Variants in NCAPG2 observed in about 807,000 individuals in gnomAD.
NCAPG2 encodes the protein non-SMC condensin II complex subunit G2.
NCAPG2 carries 53 observed loss-of-function variants against 141.1 expected under a neutral mutation model. The ratio of observed to expected loss-of-function variants is 0.38; its 90% CI spans 0.30 to 0.47. The LOEUF is 0.47. NCAPG2 is among the 20% of genes least tolerant of loss of function. The probability of loss-of-function intolerance (pLI) is 0.99; values close to 1 mark genes in which losing one functional copy is unlikely to be tolerated. For missense variants in NCAPG2, 1,087 were observed against 1,389.0 expected (o/e 0.78, Z 3.46); for synonymous variants, 499 against 490.7 (o/e 1.02, Z -0.22).
rs1835815521 is a variant in NCAPG2 at position 158,701,850 on chromosome 7, C to T, written c.50G>A (p.Gly17Glu). The part of the protein sequence containing the change: ...FVQAVSKELV[G>E]EFLQFVQLDK... Reference sequence around the variant, plus strand: ...AAGTTGAACAAATTGCAAAAACTCTCCAACCAGCTCCTTAGACACGGCTTG... The same window carrying T: ...AAGTTGAACAAATTGCAAAAACTCTTCAACCAGCTCCTTAGACACGGCTTG... The change falls in exon 2 of 28, where the codon GGA becomes GAA. Residue 17 changes from glycine (G) to glutamate (E), a missense_variant. Transcript: ENST00000356309. 1 of 1,613,602 alleles carries T rather than the reference C, an allele frequency of 6.2e-7. No homozygotes were observed. Among genetic ancestry groups the T allele is most frequent in the Non-Finnish European group, 8.5e-7 (1 of 1,179,930 alleles).
chr7:158,677,524 G>GCAAAAAAAAAAAAAAAAAAAAAAAA (rs1834141285), intron 11 of NCAPG2, among the ~76,000 whole-genome samples: 2 of 5,080 alleles, frequency 3.9e-4, no homozygotes, highest in African/African-American at 8.5e-4. Flanking sequence ...TAAAAATAAA[G>GCAAAAAAAAAAAAAAAAAAAAAAAA]CAAAAAAAAA....
chr7:158,640,052 C>CAAAAAAAAAAAAAAAAAAAAAAAACAA (rs58368997), intron 27 of NCAPG2: 1 of 98,324 alleles, frequency 1.0e-5, no homozygotes, highest in Admixed American at 1.1e-4. Context: ...GAATAAATGC[C>CAAAAAAAAAAAAAAAAAAAAAAAACAA]AAAAAAAAAA....
At chr7:158,692,817 G>A (rs1200128608) in intron 4 of NCAPG2, 25 bp downstream of exon 4, 1 of 1,276,580 alleles carries the variant, frequency 7.8e-7, no homozygotes, top group Non-Finnish European at 1.1e-6. Flanking sequence ...TTCTAAATAT[G>A]CCATTTATAA....
In NCAPG2 at chr7:158,664,024, G is replaced by C. The variant is rs952486098; in HGVS notation, c.1815+160C>G. ...CAAAATGAACTACAAAGGACATATAGCAATTCTTTCACAAATGTTATTTAT... is the reference window on the plus strand; with the variant it reads ...CAAAATGAACTACAAAGGACATATACCAATTCTTTCACAAATGTTATTTAT... On this transcript the variant is annotated intron_variant, in intron 15 of 27. Coordinates refer to ENST00000356309, the MANE Select transcript of NCAPG2 (RefSeq NM_017760.7). Among the ~76,000 whole-genome samples the C allele has an allele frequency of 5.3e-5, 8 of 152,196 alleles. No individual in the cohort carries two copies. The South Asian group carries it at 6.2e-4, about 12-fold the overall frequency.
At chr7:158,671,373 AAAT>A in intron 13 of NCAPG2, 138 bp downstream of exon 13, 1 of 1,120,696 alleles carries the variant, frequency 8.9e-7, no homozygotes, top group Non-Finnish European at 1.3e-6. Context: ...GAAAAACACA[AAAT>A]AACATTTTTG....
chr7:158,651,035 A>C, intron 23 of NCAPG2, 63 bp from the exon 24 acceptor site: 1 of 1,466,032 alleles, frequency 6.8e-7, no homozygotes, highest in South Asian at 1.4e-5. Flanking sequence ...AAAAACAAAA[A>C]AACACTTTAA....
Position 158,654,615 on chromosome 7 carries a change from C to G in NCAPG2, c.2726G>C (p.Ser909Thr). ...HQFQMQLLQRSLGIMQTVKGF... is the reference protein window; with the variant it reads ...HQFQMQLLQRTLGIMQTVKGF... ...TGTACCTGTTTGCATGATTCCAAGACTCCGCTGTAAGAGTTGCATCTGAAA... is the reference window on the plus strand; with the variant it reads ...TGTACCTGTTTGCATGATTCCAAGAGTCCGCTGTAAGAGTTGCATCTGAAA... The change falls in exon 22 of 28, where the codon AGT becomes ACT. Residue 909 changes from serine to threonine, a missense_variant. Ser to Thr is a moderately conservative substitution (Grantham distance 58). Coordinates refer to ENST00000356309, the MANE Select transcript of NCAPG2 (RefSeq NM_017760.7). 6.2e-7 allele frequency: 1 copy of G among 1,614,048 alleles called. No homozygotes were observed. Among genetic ancestry groups the G allele is most frequent in the Non-Finnish European group, 8.5e-7 (1 of 1,179,972 alleles).
intron 27 of NCAPG2, among the ~76,000 whole-genome samples, chr7:158,642,926 CA>C: frequency 6.6e-6 from 1 of 152,218 alleles, no homozygotes; most frequent in East Asian, 1.9e-4. Context: ...AGAAGCGTGC[CA>C]CCACACCCGG....
intron 27 of NCAPG2, among the ~76,000 whole-genome samples, chr7:158,638,992 T>A (rs1265047612): frequency 6.6e-6 from 1 of 152,224 alleles, no homozygotes; most frequent in Non-Finnish European, 1.5e-5. Flanking sequence ...ACACACACTT[T>A]GCTCTTCATC....
chr7:158,634,554 T>C (rs780517482), intron 27 of NCAPG2, among the ~76,000 whole-genome samples: 38 of 152,304 alleles, frequency 2.5e-4, no homozygotes, highest in Non-Finnish European at 4.0e-4. Flanking sequence ...GGGCCAAGTG[T>C]TCTCATTTAC....
rs929394712 is a variant in NCAPG2, at chr7:158,659,066, A to G, written c.1990-658T>C. Among the ~76,000 whole-genome samples, 5 of 147,620 alleles carry G rather than the reference A, an allele frequency of 3.4e-5. No homozygotes were observed. In the South Asian group the frequency reaches 1.1e-3, roughly 32 times the overall value. ...AAAAAAAGGCCAGACACAGTGGCTC[A>G]CCCCTGTAATCCCAGCACTTTGGGA... On this transcript the variant is annotated intron_variant, in intron 16 of 27. Coordinates refer to ENST00000356309, the MANE Select transcript of NCAPG2 (RefSeq NM_017760.7).
At position 158,656,129 on chromosome 7, in the gene NCAPG2, G is replaced by A. The variant is rs113572919; in HGVS notation, c.2388+131C>T. 605 of 1,200,872 alleles carry A rather than the reference G, an allele frequency of 5.0e-4. 3 individuals carry two copies. In the African/African-American group the frequency reaches 8.3e-3, roughly 16 times the overall value. The allele number at this position is 1,200,872 out of a possible 1,614,324, so 74.4% of individuals were successfully genotyped here. On this transcript the variant is annotated intron_variant, in intron 19 of 27. Coordinates refer to ENST00000356309, the MANE Select transcript of NCAPG2 (RefSeq NM_017760.7). The stretch of plus-strand genomic sequence containing the variant: ...CCATGCCTTGTACCAACTGAATGAG[G>A]TGACATGATCACTCTCAATTCTGTT...
chr7:158,701,684 T>C (rs1835800383), intron 2 of NCAPG2, 138 bp downstream of exon 2: 1 of 779,768 alleles, frequency 1.3e-6, no homozygotes, highest in East Asian at 2.8e-5. Flanking sequence ...TAAAGGGTTT[T>C]GTTTTCTTCT....
At position 158,644,312 on chromosome 7, in the gene NCAPG2, A is replaced by G; in HGVS notation, c.3357T>C (p.Thr1119=). The G allele has an allele frequency of 6.2e-7, 1 of 1,613,290 alleles. No individual in the cohort carries two copies. Among genetic ancestry groups the G allele is most frequent in the Non-Finnish European group, 8.5e-7 (1 of 1,179,230 alleles). ...ACCTTTCAATGCTATCCTCTTCCAA[A>G]GTAATTTCCATGAATGTCTTTAGTT... ...HRKLKTFMEI[T]LEEDSIERFL... Residue 1119 remains threonine, a synonymous_variant, in exon 27 of 28, where the codon ACT becomes ACC. Transcript: ENST00000356309.
chr7:158,667,154 A>T, intron 13 of NCAPG2: 1 of 985,364 alleles, frequency 1.0e-6, no homozygotes, highest in Non-Finnish European at 1.2e-6. Context: ...ACACCTCACA[A>T]CCAAATGGCT....
At chr7:158,650,245 T>C (rs900611611) in intron 24 of NCAPG2, among the ~76,000 whole-genome samples, 3 of 152,092 alleles carry the variant, frequency 2.0e-5, no homozygotes, top group Non-Finnish European at 4.4e-5. Context: ...CAGAGTTTCA[T>C]CATGTTGGCC....
chr7:158,649,593 T>A (rs1831326599), intron 24 of NCAPG2, among the ~76,000 whole-genome samples: 1 of 152,254 alleles, frequency 6.6e-6, no homozygotes, highest in South Asian at 2.1e-4. Context: ...TATTGTGTAA[T>A]CTAGTAATTA....
intron 27 of NCAPG2, chr7:158,641,401 A>C (rs894540709): frequency 1.4e-5 from 7 of 490,880 alleles, no homozygotes; most frequent in Non-Finnish European, 2.2e-5. Flanking sequence ...AACCACTTTA[A>C]ATATAAAGAC....
chr7:158,662,609 C>G (rs1009331151), intron 15 of NCAPG2, among the ~76,000 whole-genome samples: 4 of 152,180 alleles, frequency 2.6e-5, no homozygotes, highest in Admixed American at 6.5e-5. Context: ...AAGAAAACTC[C>G]TCTAAAAAGG....
Sources: allele counts gnomAD v4.1 joint callset (sites outside exome capture counted in the v4.1 genomes callset), GRCh38; gene constraint gnomAD v4.1.1; transcripts MANE v1.5; gene names NCBI Gene and HGNC (gene_info 2026-07-23, HGNC 2026-07-21).